PDE8A: variants seen among roughly 807,000 people sequenced by gnomAD.
PDE8A encodes phosphodiesterase 8A.
Under a neutral mutation model 105.0 loss-of-function variants are expected in PDE8A, and 59 were observed. The ratio of observed to expected loss-of-function variants is 0.56; its 90% CI spans 0.46 to 0.70. The LOEUF is 0.70. Among genes scored for constraint, PDE8A ranks in the 30% least tolerant of loss-of-function variants. The probability of loss-of-function intolerance (pLI) is 0.00; values close to 1 mark genes in which losing one functional copy is unlikely to be tolerated. For synonymous variants in PDE8A, 355 were observed against 371.9 expected, an observed-to-expected ratio of 0.95 and a Z score of 0.52; for missense variants, 1,014 against 1,045.9, an observed-to-expected ratio of 0.97 and a Z score of 0.42.
intron 13 of PDE8A, 131 bp from the exon 14 acceptor site, chr15:85,113,742 A>T (rs955226124): frequency 1.4e-6 from 1 of 708,536 alleles, no homozygotes; most frequent in Non-Finnish European, 2.4e-6. Flanking sequence ...CTAGTCTCAA[A>T]CTCCTGGGCT....
At chr15:85,064,490 C>G in intron 2 of PDE8A, 64 bp downstream of exon 2, 1 of 1,036,654 alleles carries the variant, frequency 9.6e-7, no homozygotes, top group South Asian at 1.3e-5. Context: ...GGAGGTGGAG[C>G]TAAATTTACA....
chr15:85,128,142 G>C (rs1055762251), intron 20 of PDE8A, among the ~76,000 whole-genome samples: 2 of 148,226 alleles, frequency 1.3e-5, no homozygotes, highest in Non-Finnish European at 3.0e-5. Flanking sequence ...AAACCATAAA[G>C]CTTTTAGAGA....
At chr15:85,081,361 A>C in intron 5 of PDE8A, among the ~76,000 whole-genome samples, 1 of 152,136 alleles carries the variant, frequency 6.6e-6, no homozygotes, top group East Asian at 1.9e-4. Context: ...AGTCTGTTTC[A>C]GTTGGTCTGG....
intron 14 of PDE8A, among the ~76,000 whole-genome samples, chr15:85,114,686 T>C (rs77531368): frequency 1.3e-5 from 2 of 152,158 alleles, no homozygotes; most frequent in Non-Finnish European, 2.9e-5. Context: ...AATTACTGCT[T>C]TCTGAAGTCA....
intron 5 of PDE8A, among the ~76,000 whole-genome samples, chr15:85,081,996 G>A (rs976584599): frequency 6.6e-6 from 1 of 152,050 alleles, no homozygotes; most frequent in African/African-American, 2.4e-5. Flanking sequence ...TCTTACCTGC[G>A]GAGGAACTGA....
intron 1 of PDE8A, among the ~76,000 whole-genome samples, chr15:85,051,459 T>A (rs897961373): frequency 6.6e-6 from 1 of 152,192 alleles, no homozygotes. Flanking sequence ...AAAATTTGTT[T>A]AAAAAAATTT....
chr15:84,997,408 C>T (rs1009814246), intron 1 of PDE8A, among the ~76,000 whole-genome samples: 13 of 151,944 alleles, frequency 8.6e-5, no homozygotes, highest in Non-Finnish European at 1.9e-4. Flanking sequence ...ATTGTCCAGG[C>T]TGGCCTTGAA....
At chr15:85,050,910 A>C (rs2080962976) in intron 1 of PDE8A, among the ~76,000 whole-genome samples, 1 of 152,232 alleles carries the variant, frequency 6.6e-6, no homozygotes, top group Non-Finnish European at 1.5e-5. Flanking sequence ...TAGTATTGAC[A>C]TCTTAACAAT....
chr15:85,081,653 C>T (rs1479851817), intron 5 of PDE8A, among the ~76,000 whole-genome samples: 4 of 152,166 alleles, frequency 2.6e-5, no homozygotes, highest in African/African-American at 9.7e-5. Context: ...CTTCACCCTC[C>T]ATGCCCTGTG....
intron 1 of PDE8A, among the ~76,000 whole-genome samples, chr15:85,024,816 T>C (rs1450940055): frequency 2.0e-5 from 3 of 152,208 alleles, no homozygotes; most frequent in African/African-American, 4.8e-5. Flanking sequence ...TGCTGGTGTT[T>C]GTTGGCTCAG....
intron 1 of PDE8A, among the ~76,000 whole-genome samples, chr15:85,018,483 G>A (rs289417): frequency 0.69 from 104,751 of 152,054 alleles, 36,535 homozygotes; most frequent in Non-Finnish European, 0.75. Context: ...TCCATCTTAG[G>A]GGCAAACCAT....
chr15:85,137,367 G>A (rs757638037), intron 21 of PDE8A, among the ~76,000 whole-genome samples: 1 of 151,900 alleles, frequency 6.6e-6, no homozygotes, highest in Admixed American at 6.5e-5. Context: ...CAGGCTGCAC[G>A]TTCTTCATGT....
intron 20 of PDE8A, among the ~76,000 whole-genome samples, chr15:85,128,206 T>C (rs1215242551): frequency 1.3e-5 from 2 of 152,188 alleles, no homozygotes; most frequent in East Asian, 3.8e-4. Context: ...ATTTCTTAGA[T>C]GCAGAAAGCA....
In PDE8A at chr15:85,076,766, C is replaced by A; in HGVS notation, c.525C>A (p.Phe175Leu). The change falls in exon 5 of 22, where the codon TTC becomes TTA. Residue 175 changes from phenylalanine to leucine, a missense_variant. Physicochemically the swap from Phe to Leu is conservative, Grantham distance 22. Coordinates refer to ENST00000394553, the MANE Select transcript of PDE8A (RefSeq NM_002605.3). ...GAGAAGAGTTGTCCGTAATGCCTTT[C>A]ATTTCTGCTGGATTTACAAGGGTAT... ...VDREELSVMPFISAGFTRRYV... is the reference protein window; with the variant it reads ...VDREELSVMPLISAGFTRRYV... 1 of 1,594,134 alleles carries A rather than the reference C, an allele frequency of 6.3e-7. No individual in the cohort carries two copies. Among genetic ancestry groups the A allele is most frequent in the African/African-American group, 1.3e-5 (1 of 74,586 alleles).
chr15:85,056,399 A>G (rs982567133), intron 1 of PDE8A, among the ~76,000 whole-genome samples: 8 of 152,124 alleles, frequency 5.3e-5, no homozygotes, highest in African/African-American at 1.9e-4. Flanking sequence ...TATCCTGCAG[A>G]GTGTTTTCCA....
At chr15:85,050,468 A>G (rs2080955894) in intron 1 of PDE8A, among the ~76,000 whole-genome samples, 1 of 152,166 alleles carries the variant, frequency 6.6e-6, no homozygotes, top group African/African-American at 2.4e-5. Context: ...TAGGTCTTCA[A>G]TCCATTTTGA....
intron 1 of PDE8A, among the ~76,000 whole-genome samples, chr15:85,057,610 T>C (rs1803558660): frequency 6.6e-6 from 1 of 152,192 alleles, no homozygotes; most frequent in South Asian, 2.1e-4. Flanking sequence ...CCGTCTTCCA[T>C]GTCGCGCACG....
intron 5 of PDE8A, among the ~76,000 whole-genome samples, chr15:85,078,797 A>G (rs2081420060): frequency 6.6e-6 from 1 of 152,186 alleles, no homozygotes; most frequent in African/African-American, 2.4e-5. Flanking sequence ...GTATAGGGTA[A>G]ATATAAATAC....
chr15:84,993,104 A>G (rs1437445242), intron 1 of PDE8A, among the ~76,000 whole-genome samples: 1 of 152,198 alleles, frequency 6.6e-6, no homozygotes, highest in Non-Finnish European at 1.5e-5. Flanking sequence ...ACTTTTCCTG[A>G]TTGTAAAAGT....
Sources: gnomAD v4.1 joint callset for allele counts (sites outside exome capture counted in the v4.1 genomes callset) on GRCh38, gnomAD v4.1.1 for gene constraint, MANE v1.5 for transcripts, NCBI Gene and HGNC (gene_info 2026-07-23, HGNC 2026-07-21) for gene names.